The following NAA25 variants were observed in gnomAD, a reference collection of about 807,000 sequenced individuals.
NAA25 encodes the protein N-alpha-acetyltransferase 25, NatB auxiliary subunit, also known as N-terminal acetyltransferase B complex subunit NAA25.
Under a neutral mutation model 132.5 loss-of-function variants are expected in NAA25, and 30 were observed. The observed-to-expected ratio is 0.23, with a 90% CI of 0.17 to 0.31. The LOEUF (loss-of-function observed/expected upper bound fraction) is 0.31. Among genes scored for constraint, NAA25 ranks in the 10% least tolerant of loss-of-function variants. The pLI is 1.00. For synonymous variants in NAA25, 359 were observed against 401.9 expected (o/e 0.89, Z 1.28); for missense variants, 771 against 1,150.4 (o/e 0.67, Z 4.77).
chr12:112,061,862 C>A (rs1297881727), intron 11 of NAA25, among the ~76,000 whole-genome samples: 1 of 152,144 alleles, frequency 6.6e-6, no homozygotes, highest in Non-Finnish European at 1.5e-5. Flanking sequence ...AGTGACCCTA[C>A]ATTTTTCTTA....
Position 112,029,412 on chromosome 12 carries a change from T to C in NAA25, c.*119A>G, listed in dbSNP as rs933193626. 1.3e-6 allele frequency: 2 copies of C among 1,493,422 alleles called. No individual in the cohort carries two copies. Among genetic ancestry groups the C allele is most frequent in the Non-Finnish European group, 1.8e-6 (2 of 1,103,074 alleles). The allele number at this position is 1,493,422 out of a possible 1,614,324, so 92.5% of individuals were successfully genotyped here. A position where few individuals can be genotyped will look rare whatever the true frequency, so the allele number is the denominator to read the frequency against. ...TAAAAAAATTCACGATCAAAGTCCT[T>C]CATGCATTTTATGAGGAAGTTCTGG... On this transcript the variant is annotated 3_prime_UTR_variant, in exon 24 of 24. Transcript: ENST00000261745.
chr12:112,074,005 C>A (rs1250274660), intron 9 of NAA25, among the ~76,000 whole-genome samples: 1 of 151,866 alleles, frequency 6.6e-6, no homozygotes, highest in East Asian at 1.9e-4. Context: ...GGTTGCAAAT[C>A]GTGTCTAATA....
rs780437755 is a variant in NAA25, at chr12:112,078,597, A to G, written c.585+37T>C. On this transcript the variant is annotated intron_variant, in intron 6 of 23. Coordinates refer to ENST00000261745, the MANE Select transcript of NAA25 (RefSeq NM_024953.4). ...AACATAATATTGTAGCACTAGCAAA[A>G]AAATGAAAACACAAAAGTAAGGCTT... The G allele has an allele frequency of 4.5e-6, 7 of 1,555,822 alleles. No homozygotes were observed. The East Asian group carries it at 1.6e-4, about 35-fold the overall frequency.
intron 10 of NAA25, 67 bp downstream of exon 10, chr12:112,071,828 A>ATGGTTGC: frequency 9.0e-7 from 1 of 1,106,780 alleles, no homozygotes; most frequent in Non-Finnish European, 1.2e-6. Flanking sequence ...GTAGATCTCA[A>ATGGTTGC]CTAATGAATA....
At chr12:112,047,460 G>C (rs538480557) in intron 17 of NAA25, among the ~76,000 whole-genome samples, 8 of 152,152 alleles carry the variant, frequency 5.3e-5, no homozygotes, top group Admixed American at 1.3e-4. Context: ...TCGAACTCCA[G>C]ACCTCAAGTG....
intron 1 of NAA25, among the ~76,000 whole-genome samples, chr12:112,107,272 G>A (rs1202725179): frequency 6.6e-6 from 1 of 152,038 alleles, no homozygotes; most frequent in Non-Finnish European, 1.5e-5. Flanking sequence ...AGAAAAAAAA[G>A]GTGAGCCTGA....
At chr12:112,044,380 G>T (rs957850605) in intron 17 of NAA25, among the ~76,000 whole-genome samples, 16 of 151,884 alleles carry the variant, frequency 1.1e-4, no homozygotes, top group African/African-American at 3.6e-4. Context: ...TATTTAACAG[G>T]TCATTTTTGG....
rs1025838850 is a variant in NAA25, at chr12:112,088,317, G to GTTT, written c.284-519_284-517dup. On this transcript the variant is annotated intron_variant, in intron 3 of 23. Transcript: ENST00000261745. ...ATCTTATATAAGTAAGTATATTGTA[G>GTTT]TTTTTTTTTTTTTTTTTTTTTTTTT... 2.5e-3 allele frequency among the ~76,000 whole-genome samples: 188 copies of GTTT among 75,594 alleles called. 15 individuals are homozygous for GTTT. The highest frequency in any genetic ancestry group is 9.8e-3 in the East Asian group (15 of 1,534). The allele number at this position is 75,594 out of a possible 152,430, so 49.6% of individuals were successfully genotyped here.
At chr12:112,054,968 A>G (rs1454629639) in intron 13 of NAA25, among the ~76,000 whole-genome samples, 3 of 152,218 alleles carry the variant, frequency 2.0e-5, no homozygotes, top group African/African-American at 4.8e-5. Flanking sequence ...TTTTTCTTCC[A>G]TATGTAACTC....
chr12:112,033,212 C>T (rs368201441), intron 23 of NAA25, 21 bp downstream of exon 23: 22 of 1,586,852 alleles, frequency 1.4e-5, no homozygotes, highest in Middle Eastern at 3.4e-4. Flanking sequence ...AAAACATTGC[C>T]GATTGCCTAC....
chr12:112,043,666 T>C lies in NAA25; in HGVS notation c.2209A>G (p.Thr737Ala). 1.2e-6 allele frequency: 2 copies of C among 1,614,190 alleles called. No homozygotes were observed. The highest frequency in any genetic ancestry group is 1.7e-6 in the Non-Finnish European group (2 of 1,180,038). Residue 737 changes from threonine (T) to alanine (A), a missense_variant, in exon 18 of 24, where the codon ACC (threonine) becomes GCC (alanine). Thr to Ala is a moderately conservative substitution (Grantham distance 58). Transcript: ENST00000261745. ...ATAAATCGCTTTCCTGTCTCCAGGG[T>C]TGCCTCCAGCTGTTGAAGGAGCAAA... is the stretch of plus-strand genomic sequence containing the variant. ...LRLLLQQLEA[T>A]LETGKRFIEK...
intron 22 of NAA25, among the ~76,000 whole-genome samples, chr12:112,037,047 T>C (rs2078233225): frequency 6.6e-6 from 1 of 151,804 alleles, no homozygotes; most frequent in Admixed American, 6.6e-5. Flanking sequence ...AAATGTCTGA[T>C]TTCAGTTCAC....
chr12:112,091,081 A>T (rs1000021466), intron 2 of NAA25, among the ~76,000 whole-genome samples: 11 of 152,044 alleles, frequency 7.2e-5, no homozygotes, highest in African/African-American at 2.7e-4. Context: ...CAGCCTGGGC[A>T]ACGTGGTGAG....
At chr12:112,098,733 C>A (rs2079249706) in intron 1 of NAA25, among the ~76,000 whole-genome samples, 1 of 152,118 alleles carries the variant, frequency 6.6e-6, no homozygotes, top group Non-Finnish European at 1.5e-5. Context: ...GCAGACAGCC[C>A]TAGATAATAC....
intron 18 of NAA25, 78 bp downstream of exon 18, chr12:112,043,547 C>T: frequency 4.6e-6 from 7 of 1,511,278 alleles, no homozygotes; most frequent in Non-Finnish European, 6.3e-6. Flanking sequence ...TACTACTCAC[C>T]CACCCCAAAC....
Position 112,048,327 on chromosome 12 carries a change from T to C in NAA25, c.1845A>G (p.Glu615=). The change falls in exon 16 of 24, where the codon GAA becomes GAG. Residue 615 remains glutamate, a synonymous_variant. Coordinates refer to ENST00000261745, the MANE Select transcript of NAA25 (RefSeq NM_024953.4). ...NSLHFAQVRT[E]RMLLDLLLEA... ...CAAGTAGAAGGTCTAACAGCATCCG[T>C]TCAGTACGGACTTGTGCAAAATGAA... 1 of 1,614,074 alleles carries C rather than the reference T, an allele frequency of 6.2e-7. No homozygotes were observed.
chr12:112,075,653 G>T, intron 8 of NAA25, 25 bp downstream of exon 8: 1 of 1,578,790 alleles, frequency 6.3e-7, no homozygotes, highest in Admixed American at 1.7e-5. Context: ...ACAGTCAAAT[G>T]GTACAAAAGA....
intron 11 of NAA25, among the ~76,000 whole-genome samples, chr12:112,066,943 T>C (rs746276203): frequency 6.6e-6 from 1 of 152,230 alleles, no homozygotes; most frequent in African/African-American, 2.4e-5. Flanking sequence ...ATGGGGACAA[T>C]AGAAGGCTTT....
chr12:112,069,850 G>A (rs1173528629), intron 10 of NAA25, among the ~76,000 whole-genome samples: 5 of 151,620 alleles, frequency 3.3e-5, no homozygotes, highest in Middle Eastern at 3.4e-3. Flanking sequence ...AAGCTAGGCC[G>A]GGTGCAGTGG....
Sources: allele counts gnomAD v4.1 joint callset (sites outside exome capture counted in the v4.1 genomes callset), GRCh38; gene constraint gnomAD v4.1.1; transcripts MANE v1.5; gene names NCBI Gene and HGNC (gene_info 2026-07-23, HGNC 2026-07-21).